Variants in HCN1 observed in about 807,000 individuals in gnomAD.
The protein encoded by HCN1 is hyperpolarization activated cyclic nucleotide gated potassium channel 1.
HCN1 carries 13 observed loss-of-function variants against 78.9 expected under a neutral mutation model. The ratio of observed to expected loss-of-function variants is 0.16; its 90% CI spans 0.11 to 0.26. The LOEUF (loss-of-function observed/expected upper bound fraction) is 0.26. HCN1 is among the 10% of genes least tolerant of loss of function. HCN1 has a pLI of 1.00. For synonymous variants in HCN1, 552 were observed against 455.5 expected (o/e 1.21, Z -2.70); for missense variants, 810 against 1,154.3 (o/e 0.70, Z 4.32).
At chr5:45,311,756 A>G (rs985690371) in intron 5 of HCN1, among the ~76,000 whole-genome samples, 41 of 152,222 alleles carry the variant, frequency 2.7e-4, no homozygotes, top group African/African-American at 9.6e-4. Flanking sequence ...TGAGACCTGC[A>G]GCTTTATTTA....
At chr5:45,644,251 T>A (rs1167667167) in intron 2 of HCN1, 2 of 152,196 alleles carry the variant, frequency 1.3e-5, no homozygotes, top group Non-Finnish European at 2.9e-5. Context: ...ATGACTTTCA[T>A]TAGTGTCGAT....
intron 4 of HCN1, among the ~76,000 whole-genome samples, chr5:45,379,142 T>C (rs1747752132): frequency 6.6e-6 from 1 of 152,118 alleles, no homozygotes; most frequent in African/African-American, 2.4e-5. Context: ...TAACCAATAA[T>C]GGGATGGTTC....
chr5:45,296,225 C>T (rs1456229086), intron 6 of HCN1, among the ~76,000 whole-genome samples: 1 of 151,918 alleles, frequency 6.6e-6, no homozygotes, highest in African/African-American at 2.4e-5. Context: ...GAACATTTAT[C>T]AAGAGTTAGG....
chr5:45,470,282 C>T (rs1034295667), intron 2 of HCN1, among the ~76,000 whole-genome samples: 1 of 151,948 alleles, frequency 6.6e-6, no homozygotes, highest in Non-Finnish European at 1.5e-5. Context: ...AAAGAAATCA[C>T]TAAGTACATG....
intron 1 of HCN1, among the ~76,000 whole-genome samples, chr5:45,679,036 AT>A (rs1248505644): frequency 6.6e-6 from 1 of 152,030 alleles, no homozygotes; most frequent in Non-Finnish European, 1.5e-5. Flanking sequence ...AACAAAAAAT[AT>A]GTATAATTCC....
At chr5:45,672,469 T>C (rs566702221) in intron 1 of HCN1, among the ~76,000 whole-genome samples, 1 of 151,384 alleles carries the variant, frequency 6.6e-6, no homozygotes, top group South Asian at 2.1e-4. Context: ...GTATTACAAA[T>C]GTTTATTCTC....
At chr5:45,633,893 C>T (rs1265556693) in intron 2 of HCN1, among the ~76,000 whole-genome samples, 1 of 151,844 alleles carries the variant, frequency 6.6e-6, no homozygotes, top group African/African-American at 2.4e-5. Context: ...AAATTTTTTT[C>T]ACCTTAAGTC....
chr5:45,696,166 G>T lies in HCN1; in HGVS notation c.-73C>A. Reference sequence around the variant, plus strand: ...CGCCCGGCGCCGGAGACACGTAGCCGAGAGGGTAGGGGCCCGAGCCGGCTG... The same window carrying T: ...CGCCCGGCGCCGGAGACACGTAGCCTAGAGGGTAGGGGCCCGAGCCGGCTG... On this transcript the variant is annotated 5_prime_UTR_variant, in exon 1 of 8. Transcript: ENST00000303230. The T allele has an allele frequency of 9.4e-7, 1 of 1,061,798 alleles. No individual in the cohort carries two copies. Among genetic ancestry groups the T allele is most frequent in the South Asian group, 2.5e-5 (1 of 40,650 alleles). The allele number at this position is 1,061,798 out of a possible 1,614,324, so 65.8% of individuals were successfully genotyped here.
intron 4 of HCN1, among the ~76,000 whole-genome samples, chr5:45,391,243 C>T (rs1161647217): frequency 1.3e-5 from 2 of 152,062 alleles, no homozygotes; most frequent in Non-Finnish European, 2.9e-5. Flanking sequence ...AAGAATAATC[C>T]TAATGCACAT....
At chr5:45,335,998 C>T (rs748321610) in intron 5 of HCN1, among the ~76,000 whole-genome samples, 2 of 151,856 alleles carry the variant, frequency 1.3e-5, no homozygotes, top group African/African-American at 2.4e-5. Flanking sequence ...TGAAAAATTG[C>T]GTATACTTAT....
intron 2 of HCN1, among the ~76,000 whole-genome samples, chr5:45,477,518 G>A (rs922565722): frequency 2.0e-5 from 3 of 152,016 alleles, no homozygotes; most frequent in African/African-American, 7.2e-5. Flanking sequence ...TTGGTGAGCA[G>A]GTCCGGAAAC....
intron 6 of HCN1, among the ~76,000 whole-genome samples, chr5:45,295,452 C>T (rs550600785): frequency 6.6e-6 from 1 of 152,078 alleles, no homozygotes; most frequent in South Asian, 2.1e-4. Flanking sequence ...CTTTCTGCTA[C>T]AACACTACGT....
chr5:45,485,457 C>T (rs1333671439), intron 2 of HCN1, among the ~76,000 whole-genome samples: 5 of 152,054 alleles, frequency 3.3e-5, no homozygotes. Context: ...TTAAATTTTC[C>T]TCTTATTAAA....
At chr5:45,367,902 T>A (rs546238032) in intron 4 of HCN1, among the ~76,000 whole-genome samples, 1 of 151,816 alleles carries the variant, frequency 6.6e-6, no homozygotes, top group Non-Finnish European at 1.5e-5. Flanking sequence ...AAAATGAGGG[T>A]GAGTCAAGAT....
intron 6 of HCN1, among the ~76,000 whole-genome samples, chr5:45,269,320 C>A (rs1424893444): frequency 6.6e-6 from 1 of 152,136 alleles, no homozygotes; most frequent in African/African-American, 2.4e-5. Flanking sequence ...TAAAGCTATA[C>A]AAAGTGAAAA....
chr5:45,413,867 T>A (rs1388977796), intron 3 of HCN1, among the ~76,000 whole-genome samples: 1 of 151,986 alleles, frequency 6.6e-6, no homozygotes, highest in East Asian at 1.9e-4. Context: ...AATAGATTCA[T>A]AATAAATTAT....
At chr5:45,606,315 G>T (rs1348707289) in intron 2 of HCN1, among the ~76,000 whole-genome samples, 1 of 151,758 alleles carries the variant, frequency 6.6e-6, no homozygotes, top group Admixed American at 6.6e-5. Flanking sequence ...GGGTAGGGGT[G>T]CATATATATG....
intron 1 of HCN1, among the ~76,000 whole-genome samples, chr5:45,667,255 T>A (rs547891597): frequency 6.6e-6 from 1 of 152,018 alleles, no homozygotes; most frequent in South Asian, 2.1e-4. Context: ...AGTTCAAGGA[T>A]TATTCTCTGG....
At chr5:45,491,888 G>T (rs934783113) in intron 2 of HCN1, among the ~76,000 whole-genome samples, 1 of 152,086 alleles carries the variant, frequency 6.6e-6, no homozygotes, top group Non-Finnish European at 1.5e-5. Context: ...TTCAAGATCT[G>T]ACATGGTGTA....
Sources: allele counts gnomAD v4.1 joint callset (sites outside exome capture counted in the v4.1 genomes callset), GRCh38; gene constraint gnomAD v4.1.1; transcripts MANE v1.5; gene names NCBI Gene and HGNC (gene_info 2026-07-23, HGNC 2026-07-21).